The following ME3 variants were observed in gnomAD, a reference collection of about 807,000 sequenced individuals.
The protein encoded by ME3 is malic enzyme 3.
In ME3, 48 loss-of-function variants were observed where a neutral mutation model predicts 68.9. That is an observed-to-expected ratio of 0.70 (90% CI 0.55 to 0.89). The LOEUF is 0.89. Ranked by LOEUF, ME3 falls within the 40% of genes least tolerant of loss-of-function variation. The pLI is 0.00. For synonymous variants in ME3, 320 were observed against 318.8 expected (o/e 1.00, Z -0.04); for missense variants, 675 against 797.4 (o/e 0.85, Z 1.85).
At chr11:86,643,340 A>G (rs932253335) in intron 2 of ME3, among the ~76,000 whole-genome samples, 1 of 151,916 alleles carries the variant, frequency 6.6e-6, no homozygotes, top group African/African-American at 2.4e-5. Context: ...CTCCTGCCCC[A>G]TCCTTCCACA....
chr11:86,444,887 G>A (rs1593978777), intron 13 of ME3, among the ~76,000 whole-genome samples: 2 of 152,282 alleles, frequency 1.3e-5, no homozygotes, highest in East Asian at 3.9e-4. Context: ...TCCTATAGGG[G>A]AGGGACCTTA....
intron 2 of ME3, among the ~76,000 whole-genome samples, chr11:86,616,416 A>G (rs927978622): frequency 6.6e-6 from 1 of 152,246 alleles, no homozygotes; most frequent in Non-Finnish European, 1.5e-5. Flanking sequence ...TTAACTGTCT[A>G]TATGGAAATA....
At chr11:86,450,307 T>A in exon 9 of ME3, 1 of 1,614,118 alleles carries the variant, frequency 6.2e-7, no homozygotes, top group Non-Finnish European at 8.5e-7. Flanking sequence ...ATACCTCGCC[T>A]GCACCTTGGA....
chr11:86,614,298 G>A (rs140895361), intron 2 of ME3, among the ~76,000 whole-genome samples: 1 of 152,168 alleles, frequency 6.6e-6, no homozygotes, highest in Non-Finnish European at 1.5e-5. Context: ...TTACAACACT[G>A]GAGACTGCAA....
At chr11:86,501,673 T>C (rs1952734863) in intron 5 of ME3, among the ~76,000 whole-genome samples, 1 of 152,214 alleles carries the variant, frequency 6.6e-6, no homozygotes, top group African/African-American at 2.4e-5. Flanking sequence ...TTGAGCCTTT[T>C]TACTCTGCTG....
chr11:86,619,385 A>G (rs1029343091), intron 2 of ME3, among the ~76,000 whole-genome samples: 18 of 152,176 alleles, frequency 1.2e-4, no homozygotes, highest in African/African-American at 4.3e-4. Context: ...GTACTAATTA[A>G]CTTCAGTTTT....
chr11:86,487,528 A>G, intron 6 of ME3, 88 bp from the exon 7 acceptor site: 2 of 1,071,186 alleles, frequency 1.9e-6, no homozygotes, highest in South Asian at 2.8e-5. Context: ...TATTAGGAAG[A>G]ACCAGAAGGT....
At chr11:86,657,476 G>A (rs1237117930) in intron 2 of ME3, among the ~76,000 whole-genome samples, 2 of 150,914 alleles carry the variant, frequency 1.3e-5, no homozygotes, top group East Asian at 3.9e-4. Flanking sequence ...AGGAGGGGGT[G>A]TGGGGCAAGG....
chr11:86,509,549 C>T (rs1953357465), intron 4 of ME3, among the ~76,000 whole-genome samples: 1 of 152,194 alleles, frequency 6.6e-6, no homozygotes, highest in South Asian at 2.1e-4. Context: ...TGCCTGAAGG[C>T]AGTCCAATCT....
At chr11:86,601,119 A>G (rs1301609647) in intron 2 of ME3, among the ~76,000 whole-genome samples, 1 of 151,732 alleles carries the variant, frequency 6.6e-6, no homozygotes, top group East Asian at 1.9e-4. Context: ...GAACTGAAGG[A>G]AATAGAGACA....
intron 7 of ME3, among the ~76,000 whole-genome samples, chr11:86,475,902 A>AGAGAGAGAGAGAGAGAGAGAG (rs1565830505): frequency 2.1e-5 from 2 of 93,400 alleles, no homozygotes; most frequent in African/African-American, 4.3e-5. Flanking sequence ...GAGAGAGAGA[A>AGAGAGAGAGAGAGAGAGAGAG]AGAGAAAGAG....
At chr11:86,569,217 C>T (rs1187901638) in intron 2 of ME3, among the ~76,000 whole-genome samples, 2 of 152,220 alleles carry the variant, frequency 1.3e-5, no homozygotes, top group East Asian at 3.8e-4. Flanking sequence ...GCAGAAGGGG[C>T]TGCAAGACAG....
intron 4 of ME3, among the ~76,000 whole-genome samples, chr11:86,529,342 C>A (rs1170309499): frequency 2.0e-5 from 3 of 152,104 alleles, no homozygotes; most frequent in Non-Finnish European, 2.9e-5. Flanking sequence ...CAATAACAGG[C>A]TCTGAAATTG....
At chr11:86,587,644 C>A (rs147776261) in intron 2 of ME3, among the ~76,000 whole-genome samples, 1 of 152,272 alleles carries the variant, frequency 6.6e-6, no homozygotes, top group Non-Finnish European at 1.5e-5. Flanking sequence ...CAGAATCACA[C>A]TTCAAAAGAA....
At chr11:86,572,671 G>A (rs201638804) in intron 2 of ME3, among the ~76,000 whole-genome samples, 1 of 152,126 alleles carries the variant, frequency 6.6e-6, no homozygotes, top group East Asian at 1.9e-4. Flanking sequence ...TCTTTATCCA[G>A]TCTATCACTG....
chr11:86,579,187 C>A (rs1158247392), intron 2 of ME3, among the ~76,000 whole-genome samples: 1 of 152,114 alleles, frequency 6.6e-6, no homozygotes, highest in Non-Finnish European at 1.5e-5. Context: ...AACCGGTATT[C>A]TTTATACCCT....
intron 2 of ME3, among the ~76,000 whole-genome samples, chr11:86,607,702 T>TC (rs1221475941): frequency 1.4e-5 from 1 of 71,694 alleles, no homozygotes; most frequent in Admixed American, 1.9e-4. Flanking sequence ...TCGGTGTTTT[T>TC]TTTAAAAGAA....
chr11:86,532,846 G>C (rs1031776233), intron 4 of ME3, among the ~76,000 whole-genome samples: 23 of 152,200 alleles, frequency 1.5e-4, no homozygotes, highest in Admixed American at 3.9e-4. Context: ...GATCAACTGA[G>C]GTCAGGAGTT....
intron 7 of ME3, among the ~76,000 whole-genome samples, chr11:86,470,438 CT>C (rs59633555): frequency 0.42 from 63,850 of 151,660 alleles, 13,666 homozygotes; most frequent in African/African-American, 0.46. Flanking sequence ...AACTCTTGGT[CT>C]TTTTTTTTCT....
Sources: gnomAD v4.1 joint callset for allele counts (sites outside exome capture counted in the v4.1 genomes callset) on GRCh38, gnomAD v4.1.1 for gene constraint, MANE v1.5 for transcripts, NCBI Gene and HGNC (gene_info 2026-07-23, HGNC 2026-07-21) for gene names.